The following DOCK1 variants were observed in gnomAD, a reference collection of about 807,000 sequenced individuals.
DOCK1 encodes the protein dedicator of cytokinesis protein 1.
Under a neutral mutation model 262.7 loss-of-function variants are expected in DOCK1, and 138 were observed. The observed-to-expected ratio is 0.53, with a 90% CI of 0.46 to 0.61. DOCK1 has a LOEUF of 0.61. Among genes scored for constraint, DOCK1 ranks in the 20% least tolerant of loss-of-function variants. The probability of loss-of-function intolerance (pLI) is 0.00; values close to 1 mark genes in which losing one functional copy is unlikely to be tolerated. For missense variants in DOCK1, 1,908 were observed against 2,370.7 expected (o/e 0.80, Z 4.05); for synonymous variants, 866 against 867.4 (o/e 1.00, Z 0.03).
intron 27 of DOCK1, among the ~76,000 whole-genome samples, chr10:127,178,831 C>G (rs1033476110): frequency 6.6e-6 from 1 of 152,124 alleles, no homozygotes; most frequent in African/African-American, 2.4e-5. Flanking sequence ...GAGAAAGCAT[C>G]GATGGCTTTT....
Position 127,138,139 on chromosome 10 carries a change from A to G in DOCK1, c.2847+10375A>G, listed in dbSNP as rs569198991. ...TGTTTGTAATGTAATTTTATGGTTT[A>G]ATAATAGCAATTCGATATACTATGT... On this transcript the variant is annotated intron_variant, in intron 27 of 51. Transcript: ENST00000623213. 5 of 854,404 alleles carry G rather than the reference A, an allele frequency of 5.9e-6. No homozygotes were observed. In the South Asian group the frequency reaches 9.4e-5, roughly 16 times the overall value. 52.9% of individuals were successfully genotyped at this position (854,404 alleles called of 1,614,324 possible).
intron 43 of DOCK1, among the ~76,000 whole-genome samples, chr10:127,414,154 T>G (rs1296843097): frequency 1.3e-5 from 2 of 152,142 alleles, no homozygotes; most frequent in Admixed American, 1.3e-4. Context: ...TCAGGCAATC[T>G]GCCCGCCCTG....
intron 14 of DOCK1, among the ~76,000 whole-genome samples, chr10:127,023,854 C>T (rs182347066): frequency 4.6e-5 from 7 of 152,194 alleles, no homozygotes; most frequent in East Asian, 1.9e-4. Flanking sequence ...ACCATTGTTA[C>T]GATTTGAGAG....
chr10:127,201,691 C>T (rs2057467697), intron 27 of DOCK1, among the ~76,000 whole-genome samples: 1 of 152,144 alleles, frequency 6.6e-6, no homozygotes, highest in Non-Finnish European at 1.5e-5. Context: ...CCCCTCTCCC[C>T]TCACAATCCC....
intron 27 of DOCK1, among the ~76,000 whole-genome samples, chr10:127,147,984 T>C (rs1015898054): frequency 1.5e-5 from 2 of 130,568 alleles, no homozygotes; most frequent in African/African-American, 2.9e-5. Context: ...TGAGCCGAGA[T>C]TGCACCACTG....
chr10:127,147,811 T>A (rs1455583721), intron 27 of DOCK1, among the ~76,000 whole-genome samples: 2 of 151,402 alleles, frequency 1.3e-5, no homozygotes, highest in Non-Finnish European at 2.9e-5. Context: ...GGCGGGTGGA[T>A]CATGAGGTCA....
intron 1 of DOCK1, among the ~76,000 whole-genome samples, chr10:126,961,812 T>G (rs1284109472): frequency 6.6e-6 from 1 of 152,220 alleles, no homozygotes; most frequent in Non-Finnish European, 1.5e-5. Context: ...AACATGGATG[T>G]GCAAATATCT....
chr10:126,969,549 C>G (rs1204355687), intron 1 of DOCK1, among the ~76,000 whole-genome samples: 1 of 152,118 alleles, frequency 6.6e-6, no homozygotes, highest in African/African-American at 2.4e-5. Flanking sequence ...CTGGCTCATG[C>G]AGAACAAGAG....
At chr10:127,379,240 T>C (rs891689130) in intron 35 of DOCK1, among the ~76,000 whole-genome samples, 13 of 152,358 alleles carry the variant, frequency 8.5e-5, no homozygotes, top group Non-Finnish European at 1.9e-4. Context: ...TTAAGAAATA[T>C]AATTTTGATA....
intron 16 of DOCK1, among the ~76,000 whole-genome samples, chr10:127,029,142 A>G (rs188443701): frequency 2.6e-5 from 4 of 152,346 alleles, no homozygotes; most frequent in African/African-American, 9.6e-5. Flanking sequence ...ACATACCAGG[A>G]CACATCTGCA....
chr10:126,914,960 G>A (rs1338012710), intron 1 of DOCK1, among the ~76,000 whole-genome samples: 1 of 152,148 alleles, frequency 6.6e-6, no homozygotes, highest in Non-Finnish European at 1.5e-5. Flanking sequence ...GATGAGGATG[G>A]TGCATAGATT....
At chr10:127,419,089 A>G (rs909990298) in intron 45 of DOCK1, among the ~76,000 whole-genome samples, 4 of 152,152 alleles carry the variant, frequency 2.6e-5, no homozygotes, top group African/African-American at 9.7e-5. Flanking sequence ...CTGATACTGT[A>G]ACTGGCGAGT....
Position 127,106,294 on chromosome 10 carries a change from G to A in DOCK1, c.2509G>A (p.Glu837Lys), listed in dbSNP as rs1338820027. ...NDVKLVFDPK[E>K]LSKMFTEFIL... ...TGTGAAATTGGTGTTTGATCCCAAA[G>A]AGCTCAGGTAAGTATGCAGCCCAGG... The change falls in exon 24 of 52, where the codon GAG becomes AAG. Residue 837 changes from glutamate to lysine, a missense_variant. By Grantham distance (56) the Glu-to-Lys change is moderately conservative. Coordinates refer to ENST00000623213, the MANE Select transcript of DOCK1 (RefSeq NM_001290223.2). The A allele has an allele frequency of 6.3e-7, 1 of 1,596,468 alleles. No homozygotes were observed. The highest frequency in any genetic ancestry group is 1.3e-5 in the African/African-American group (1 of 74,766).
Position 127,200,728 on chromosome 10 carries a change from G to C in DOCK1, c.2848-47280G>C, listed in dbSNP as rs551713084. Among the ~76,000 whole-genome samples the C allele has an allele frequency of 3.3e-5, 5 of 152,296 alleles. No individual in the cohort carries two copies. In the South Asian group the frequency reaches 1.0e-3, roughly 32 times the overall value. The stretch of plus-strand genomic sequence containing the variant: ...ATTATTATCTTTAAAGTAAAATTAG[G>C]AACGCCTTTGTTCTCAGGATGTCTG... On this transcript the variant is annotated intron_variant, in intron 27 of 51. Transcript: ENST00000623213.
chr10:127,074,896 T>C (rs138406876), intron 23 of DOCK1, among the ~76,000 whole-genome samples: 1 of 152,250 alleles, frequency 6.6e-6, no homozygotes, highest in Non-Finnish European at 1.5e-5. Flanking sequence ...GTGCGGTGGC[T>C]CACACCTGTA....
chr10:127,016,181 G>A (rs1349688010), intron 12 of DOCK1: 2 of 152,234 alleles, frequency 1.3e-5, no homozygotes, highest in Non-Finnish European at 2.9e-5. Context: ...TCTGCCCTAT[G>A]TCTCCAGTAG....
intron 29 of DOCK1, among the ~76,000 whole-genome samples, chr10:127,263,403 C>T (rs1330985954): frequency 3.2e-5 from 1 of 31,384 alleles, no homozygotes. Flanking sequence ...ATCAAAATTA[C>T]AGGATTTAAT....
chr10:127,403,948 C>G (rs1024784070), intron 39 of DOCK1, among the ~76,000 whole-genome samples: 4 of 152,134 alleles, frequency 2.6e-5, no homozygotes, highest in African/African-American at 9.7e-5. Context: ...CGATTCTGTT[C>G]CTTTAAATTC....
At chr10:127,095,748 G>T (rs1479648217) in intron 23 of DOCK1, among the ~76,000 whole-genome samples, 2 of 152,116 alleles carry the variant, frequency 1.3e-5, no homozygotes, top group African/African-American at 2.4e-5. Flanking sequence ...AGTGAAGACA[G>T]TATCAATATC....
Sources: allele counts gnomAD v4.1 joint callset (sites outside exome capture counted in the v4.1 genomes callset), GRCh38; gene constraint gnomAD v4.1.1; transcripts MANE v1.5; gene names NCBI Gene and HGNC (gene_info 2026-07-23, HGNC 2026-07-21).